ERBB4: variants seen among roughly 807,000 people sequenced by gnomAD.
ERBB4 encodes the protein receptor tyrosine-protein kinase erbB-4.
A neutral mutation model predicts 158.0 loss-of-function variants in ERBB4; 42 were observed. The observed-to-expected ratio is 0.27, with a 90% CI of 0.21 to 0.34. ERBB4 has a LOEUF of 0.34. Ranked by LOEUF, ERBB4 falls within the 10% of genes least tolerant of loss-of-function variation. ERBB4 has a pLI of 1.00. For synonymous variants in ERBB4, 583 were observed against 558.7 expected (o/e 1.04, Z -0.61); for missense variants, 1,333 against 1,624.1 (o/e 0.82, Z 3.08).
chr2:211,905,408 A>G (rs1216961077), intron 3 of ERBB4, among the ~76,000 whole-genome samples: 1 of 151,700 alleles, frequency 6.6e-6, no homozygotes, highest in Non-Finnish European at 1.5e-5. Context: ...TGATTAGCAA[A>G]CAATTTCATC....
intron 20 of ERBB4, among the ~76,000 whole-genome samples, chr2:211,543,850 A>G (rs1033470698): frequency 2.0e-5 from 3 of 151,858 alleles, no homozygotes; most frequent in Non-Finnish European, 2.9e-5. Flanking sequence ...AGTTAAAAAA[A>G]AAAAAGAAAA....
chr2:212,459,630 C>T (rs542015335), intron 1 of ERBB4, among the ~76,000 whole-genome samples: 5 of 152,176 alleles, frequency 3.3e-5, no homozygotes, highest in African/African-American at 1.2e-4. Flanking sequence ...CTCAAATAGC[C>T]AAAGCTATCT....
chr2:212,059,768 T>G (rs1333899278), intron 2 of ERBB4, among the ~76,000 whole-genome samples: 1 of 152,174 alleles, frequency 6.6e-6, no homozygotes, highest in Non-Finnish European at 1.5e-5. Context: ...GATCCCTCCC[T>G]TACACCTTAT....
At chr2:212,122,085 A>G (rs2079769153) in intron 2 of ERBB4, among the ~76,000 whole-genome samples, 1 of 150,770 alleles carries the variant, frequency 6.6e-6, no homozygotes, top group Non-Finnish European at 1.5e-5. Context: ...ACATACACAC[A>G]CCCCACATAC....
chr2:212,443,161 C>T (rs182889501), intron 1 of ERBB4, among the ~76,000 whole-genome samples: 1 of 152,228 alleles, frequency 6.6e-6, no homozygotes, highest in Non-Finnish European at 1.5e-5. Context: ...CAGCAATGTA[C>T]CTTTACTGTC....
At chr2:211,428,015 T>TGGACACAG (rs978334311) in intron 22 of ERBB4, among the ~76,000 whole-genome samples, 6 of 150,194 alleles carry the variant, frequency 4.0e-5, no homozygotes, top group Non-Finnish European at 8.9e-5. Context: ...TGGGAACACA[T>TGGACACAG]GGACACAGGG....
intron 1 of ERBB4, among the ~76,000 whole-genome samples, chr2:212,537,855 G>C (rs759134583): frequency 6.6e-6 from 1 of 152,164 alleles, no homozygotes. Context: ...CCGGGCCCCG[G>C]ACCGAGGCGC....
intron 5 of ERBB4, among the ~76,000 whole-genome samples, chr2:211,743,503 A>C (rs1257136800): frequency 2.0e-5 from 3 of 152,294 alleles, no homozygotes; most frequent in African/African-American, 7.2e-5. Context: ...TTTAAATGAG[A>C]TAAGTGTGCT....
At chr2:211,772,832 T>TATAC (rs1553629878) in intron 4 of ERBB4, among the ~76,000 whole-genome samples, 1 of 14,230 alleles carries the variant, frequency 7.0e-5, no homozygotes, top group Non-Finnish European at 1.5e-4. Flanking sequence ...TATATATATA[T>TATAC]ATACACATAT....
intron 1 of ERBB4, among the ~76,000 whole-genome samples, chr2:212,380,435 C>T (rs947599704): frequency 2.7e-5 from 4 of 147,100 alleles, no homozygotes; most frequent in African/African-American, 1.0e-4. Context: ...TTACCAATAC[C>T]TCAGATACTG....
intron 1 of ERBB4, among the ~76,000 whole-genome samples, chr2:212,135,741 T>C (rs1054666275): frequency 1.3e-5 from 2 of 152,234 alleles, no homozygotes; most frequent in African/African-American, 4.8e-5. Flanking sequence ...TACAAAGTCC[T>C]TCTTATTTAC....
chr2:211,540,388 C>T (rs545868593), intron 20 of ERBB4, among the ~76,000 whole-genome samples: 1 of 151,698 alleles, frequency 6.6e-6, no homozygotes, highest in Non-Finnish European at 1.5e-5. Flanking sequence ...GCAATGCAAT[C>T]GAATAAACTA....
intron 3 of ERBB4, among the ~76,000 whole-genome samples, chr2:211,942,197 A>G (rs1393694565): frequency 2.6e-5 from 4 of 152,168 alleles, no homozygotes; most frequent in African/African-American, 9.7e-5. Context: ...GTGAAAAGGT[A>G]CTACATTACT....
intron 2 of ERBB4, among the ~76,000 whole-genome samples, chr2:212,062,284 T>C (rs538359992): frequency 2.6e-5 from 4 of 152,218 alleles, no homozygotes; most frequent in Non-Finnish European, 4.4e-5. Flanking sequence ...CATTCACGTG[T>C]CAACAAACTT....
intron 20 of ERBB4, among the ~76,000 whole-genome samples, chr2:211,555,416 C>T (rs1445672658): frequency 1.3e-5 from 2 of 152,154 alleles, no homozygotes; most frequent in Non-Finnish European, 2.9e-5. Flanking sequence ...AACTCCTGAC[C>T]TCAGGTGATC....
chr2:211,403,341 C>CTCT (rs747299916), intron 25 of ERBB4, among the ~76,000 whole-genome samples: 120 of 152,252 alleles, frequency 7.9e-4, no homozygotes, highest in Non-Finnish European at 1.5e-3. Flanking sequence ...CAGATACTAG[C>CTCT]TCTTCAAAAT....
chr2:211,527,677 A>T (rs1003232864), intron 20 of ERBB4, among the ~76,000 whole-genome samples: 9 of 152,076 alleles, frequency 5.9e-5, no homozygotes, highest in African/African-American at 1.9e-4. Context: ...AATAAGATAT[A>T]AATAGAAATA....
chr2:211,637,315 A>C (rs1161280623), intron 16 of ERBB4, among the ~76,000 whole-genome samples: 2 of 151,926 alleles, frequency 1.3e-5, no homozygotes, highest in African/African-American at 4.8e-5. Context: ...ACAATTACCA[A>C]CTGAGGCAAG....
At chr2:212,362,762 G>C (rs2089737306) in intron 1 of ERBB4, among the ~76,000 whole-genome samples, 1 of 150,786 alleles carries the variant, frequency 6.6e-6, no homozygotes, top group South Asian at 2.1e-4. Flanking sequence ...TCTCAGAGTA[G>C]CAAAAACATA....
Sources: allele counts gnomAD v4.1 joint callset (sites outside exome capture counted in the v4.1 genomes callset), GRCh38; gene constraint gnomAD v4.1.1; transcripts MANE v1.5; gene names NCBI Gene and HGNC (gene_info 2026-07-23, HGNC 2026-07-21).